Variants in CFAP47 observed in about 807,000 individuals in gnomAD.
CFAP47 encodes the protein cilia and flagella associated protein 47, also known as cilia- and flagella-associated protein 47.
Under a neutral mutation model 148.1 loss-of-function variants are expected in CFAP47, and 29 were observed. The ratio of observed to expected loss-of-function variants is 0.20; its 90% CI spans 0.15 to 0.27. CFAP47 has a LOEUF of 0.27. Among genes scored for constraint, CFAP47 ranks in the 10% least tolerant of loss-of-function variants. The pLI, the probability that CFAP47 is intolerant of heterozygous loss-of-function variation, is 1.00. For missense variants in CFAP47, 1,872 were observed against 1,697.5 expected (o/e 1.10, Z -1.81); for synonymous variants, 664 against 577.3 (o/e 1.15, Z -2.15).
intron 61 of CFAP47, among the ~76,000 whole-genome samples, chrX:36,366,330 T>C (rs1556020268): frequency 8.9e-6 from 1 of 111,824 alleles, no homozygotes; most frequent in African/African-American, 3.2e-5. Context: ...CTCTTTGTCA[T>C]AGTCAAATGC....
intron 22 of CFAP47, among the ~76,000 whole-genome samples, chrX:36,025,055 C>T (rs1018667955): frequency 4.5e-5 from 5 of 111,089 alleles, no homozygotes; most frequent in African/African-American, 1.6e-4. Flanking sequence ...AAATTCATCC[C>T]GTAAGTATCT....
At chrX:35,933,037 C>A (rs921444758) in intron 2 of CFAP47, among the ~76,000 whole-genome samples, 5 of 112,146 alleles carry the variant, frequency 4.5e-5, no homozygotes, top group African/African-American at 1.6e-4. Context: ...AGGTATCCAT[C>A]ACCTCAAGCA....
In CFAP47 at chrX:36,196,843, C is replaced by G. The variant is rs183031191; in HGVS notation, c.6322-3536C>G. Among the ~76,000 whole-genome samples, 606 of 111,816 alleles carry G rather than the reference C, an allele frequency of 5.4e-3. 1 individual carries two copies. Among genetic ancestry groups the G allele is most frequent in the African/African-American group, 0.019 (576 of 30,855 alleles). ...TGTATAGGTGATTATTAGAACAGCT[C>G]ATGATGACAAGCGTCTGCTAAGTGT... On this transcript the variant is annotated intron_variant, in intron 42 of 63. Coordinates refer to ENST00000378653, the MANE Select transcript of CFAP47 (RefSeq NM_001304548.2).
rs782657126 is a variant in CFAP47, at chrX:36,317,244, A to C, written c.8345-1965A>C. 3.6e-5 allele frequency among the ~76,000 whole-genome samples: 4 copies of C among 111,877 alleles called. No homozygotes were observed. In the South Asian group the frequency reaches 1.5e-3, roughly 42 times the overall value. On this transcript the variant is annotated intron_variant, in intron 56 of 63. Coordinates refer to ENST00000378653, the MANE Select transcript of CFAP47 (RefSeq NM_001304548.2). ...CAGGATAAGCATGGTTTTATACTTA[A>C]GAAGAGAGACAAATTGGTGTAAGAA...
At chrX:36,203,952 T>G (rs1378652582) in intron 44 of CFAP47, among the ~76,000 whole-genome samples, 1 of 111,915 alleles carries the variant, frequency 8.9e-6, no homozygotes, top group Non-Finnish European at 1.9e-5. Flanking sequence ...CACAAAATTG[T>G]CTTTAGTGAA....
intron 22 of CFAP47, among the ~76,000 whole-genome samples, chrX:36,029,581 G>T (rs778245754): frequency 1.1e-4 from 12 of 110,390 alleles, no homozygotes; most frequent in African/African-American, 3.9e-4. Flanking sequence ...TCACTATTGT[G>T]TTCCATTTTT....
At chrX:36,303,797 C>A in intron 53 of CFAP47, 52 bp from the exon 54 acceptor site, 1 of 648,015 alleles carries the variant, frequency 1.5e-6, no homozygotes. Flanking sequence ...GGAATTAACA[C>A]TAAATAAGTT....
In CFAP47 at chrX:36,236,827, C is replaced by A; in HGVS notation, c.7300C>A (p.Pro2434Thr). ...GNVTQKHITL[P>T]HFTNTALTFK... is the part of the protein sequence containing the mutation. ...TGTGACACAAAAGCATATAACATTG[C>A]CTCATTTCACAAATACTGCCCTAAC... The change falls in exon 48 of 64, where the codon CCT becomes ACT. Residue 2434 changes from proline to threonine, a missense_variant. Pro to Thr is a conservative substitution (Grantham distance 38). Coordinates refer to ENST00000378653, the MANE Select transcript of CFAP47 (RefSeq NM_001304548.2). 1 of 486,913 alleles carries A rather than the reference C, an allele frequency of 2.1e-6. No individual in the cohort carries two copies. The highest frequency in any genetic ancestry group is 3.7e-6 in the Non-Finnish European group (1 of 269,640). 40.1% of individuals were successfully genotyped at this position (486,913 alleles called of 1,213,427 possible). A position where few individuals can be genotyped will look rare whatever the true frequency, so the allele number is the denominator to read the frequency against.
chrX:36,229,807 T>G (rs1360838166), intron 46 of CFAP47, among the ~76,000 whole-genome samples: 4 of 88,540 alleles, frequency 4.5e-5, no homozygotes, highest in African/African-American at 8.3e-5. Flanking sequence ...TCCCCTTCCT[T>G]TGTCCATGTG....
intron 60 of CFAP47, among the ~76,000 whole-genome samples, chrX:36,356,068 C>T (rs782018551): frequency 3.1e-4 from 35 of 111,757 alleles, no homozygotes; most frequent in Non-Finnish European, 2.3e-4. Flanking sequence ...AAAGAAGCTA[C>T]CAACATCATT....
At chrX:36,142,688 T>C (rs1304611006) in intron 35 of CFAP47, among the ~76,000 whole-genome samples, 8 of 111,799 alleles carry the variant, frequency 7.2e-5, no homozygotes, top group Admixed American at 6.7e-4. Flanking sequence ...TAGTTTCCCA[T>C]TAAAAACGTA....
At chrX:36,280,466 T>A (rs1404843343) in intron 49 of CFAP47, 21 bp from the exon 50 acceptor site, 2 of 484,582 alleles carry the variant, frequency 4.1e-6, no homozygotes, top group Non-Finnish European at 7.3e-6. Context: ...TAATAGGGCA[T>A]CTTGTACTTA....
intron 8 of CFAP47, among the ~76,000 whole-genome samples, chrX:35,956,527 T>C (rs777527944): frequency 2.7e-5 from 3 of 112,216 alleles, no homozygotes; most frequent in Middle Eastern, 4.6e-3. Flanking sequence ...CAAGGTGATA[T>C]AGAAACTCAA....
At chrX:36,328,727 G>A (rs1394446254) in intron 57 of CFAP47, among the ~76,000 whole-genome samples, 2 of 105,370 alleles carry the variant, frequency 1.9e-5, no homozygotes, top group African/African-American at 6.9e-5. Flanking sequence ...GGAGAATGGC[G>A]TGAACCCGGG....
chrX:36,035,635 A>C, intron 23 of CFAP47, 60 bp from the exon 24 acceptor site: 1 of 289,475 alleles, frequency 3.5e-6, no homozygotes, highest in East Asian at 4.9e-5. Flanking sequence ...TAATACAACT[A>C]AACTTTAGAT....
intron 3 of CFAP47, among the ~76,000 whole-genome samples, chrX:35,943,573 C>T (rs1258042232): frequency 9.0e-6 from 1 of 111,372 alleles, no homozygotes; most frequent in Non-Finnish European, 1.9e-5. Flanking sequence ...TTACCCCTGA[C>T]TGTACAAAGC....
At chrX:35,942,775 A>G (rs1244414411) in intron 3 of CFAP47, among the ~76,000 whole-genome samples, 1 of 111,864 alleles carries the variant, frequency 8.9e-6, no homozygotes, top group East Asian at 2.8e-4. Context: ...CTTTTCATTG[A>G]ACATTTAATA....
rs769819039 is a variant in CFAP47, at chrX:36,098,749, A to C, written c.4917-44A>C. On this transcript the variant is annotated intron_variant, in intron 30 of 63. Coordinates refer to ENST00000378653, the MANE Select transcript of CFAP47 (RefSeq NM_001304548.2). ...GGTCAATGCAAATCATATATAGAAC[A>C]TGTATATTATATTATAATTTGAGTT... 5 of 658,254 alleles carry C rather than the reference A, an allele frequency of 7.6e-6. No individual in the cohort carries two copies. In the Admixed American group the frequency reaches 1.5e-4, roughly 20 times the overall value. The allele number at this position is 658,254 out of a possible 1,213,427, so 54.2% of individuals were successfully genotyped here. A position where few individuals can be genotyped will look rare whatever the true frequency, so the allele number is the denominator to read the frequency against.
intron 46 of CFAP47, among the ~76,000 whole-genome samples, chrX:36,231,623 G>T (rs1365194043): frequency 1.8e-5 from 2 of 110,757 alleles, no homozygotes; most frequent in African/African-American, 6.6e-5. Flanking sequence ...CTGCCTGACT[G>T]CCCTGGCCAG....
Sources: allele counts gnomAD v4.1 joint callset (sites outside exome capture counted in the v4.1 genomes callset), GRCh38; gene constraint gnomAD v4.1.1; transcripts MANE v1.5; gene names NCBI Gene and HGNC (gene_info 2026-07-23, HGNC 2026-07-21).